USP25: variants seen among roughly 807,000 people sequenced by gnomAD.
USP25 encodes ubiquitin specific peptidase 25.
In USP25, 85 loss-of-function variants were observed where a neutral mutation model predicts 158.5. That is an observed-to-expected ratio of 0.54 (90% CI 0.45 to 0.64). The LOEUF (loss-of-function observed/expected upper bound fraction) is 0.64. Among genes scored for constraint, USP25 ranks in the 30% least tolerant of loss-of-function variants. USP25 has a pLI of 0.00. For missense variants in USP25, 1,242 were observed against 1,327.3 expected (o/e 0.94, Z 1.00); for synonymous variants, 464 against 460.4 (o/e 1.01, Z -0.10).
Position 15,730,015 on chromosome 21 carries a change from C to G in USP25, c.-379C>G, listed in dbSNP as rs1333881036. The G allele has an allele frequency of 1.3e-5, 2 of 151,694 alleles. No individual in the cohort carries two copies. Among genetic ancestry groups the G allele is most frequent in the Non-Finnish European group, 2.9e-5 (2 of 67,950 alleles). The allele number at this position is 151,694 out of a possible 1,614,324, so 9.4% of individuals were successfully genotyped here. On this transcript the variant is annotated 5_prime_UTR_variant, in exon 1 of 26. Transcript: ENST00000400183. Reference sequence around the variant, plus strand: ...CGGCCGCTCCCTCCGTCCCCTCTCTCCCTTCCCCAAAGCAGCCCGCGGACC... The same window carrying G: ...CGGCCGCTCCCTCCGTCCCCTCTCTGCCTTCCCCAAAGCAGCCCGCGGACC...
At chr21:15,841,952 A>G (rs538563184) in intron 17 of USP25, among the ~76,000 whole-genome samples, 1 of 152,316 alleles carries the variant, frequency 6.6e-6, no homozygotes, top group Non-Finnish European at 1.5e-5. Context: ...TACAGAAAAG[A>G]TGGAAGGTTA....
chr21:15,827,167 C>T lies in USP25; in HGVS notation c.1657C>T (p.His553Tyr). The T allele has an allele frequency of 6.2e-7, 1 of 1,614,144 alleles. No individual in the cohort carries two copies. Among genetic ancestry groups the T allele is most frequent in the Non-Finnish European group, 8.5e-7 (1 of 1,180,014 alleles). Residue 553 changes from histidine to tyrosine, a missense_variant, in exon 14 of 26, where the codon CAT becomes TAT. Transcript: ENST00000400183. ...EELSVLESCL[H>Y]RWRTEIENDT... ...ACTTTCTGTGCTGGAAAGTTGTTTA[C>T]ATCGCTGGAGGACAGAAATAGAAAA...
chr21:15,864,574 A>G (rs1290124779), intron 21 of USP25, 128 bp downstream of exon 21: 2 of 865,624 alleles, frequency 2.3e-6, no homozygotes, highest in Non-Finnish European at 3.3e-6. Flanking sequence ...ATACGTAACA[A>G]AATTTGAACT....
At chr21:15,754,275 A>G (rs151225476) in intron 1 of USP25, among the ~76,000 whole-genome samples, 284 of 152,194 alleles carry the variant, frequency 1.9e-3, no homozygotes, top group African/African-American at 5.9e-3. Flanking sequence ...TTTCTGTGGG[A>G]TAAGCTTGTC....
intron 22 of USP25, 96 bp from the exon 23 acceptor site, chr21:15,869,972 C>A: frequency 1.2e-6 from 1 of 829,718 alleles, no homozygotes; most frequent in South Asian, 2.4e-5. Context: ...TCTATTAATT[C>A]AGATAGTAGC....
intron 3 of USP25, among the ~76,000 whole-genome samples, chr21:15,770,280 A>G (rs1377758739): frequency 1.3e-5 from 2 of 152,190 alleles, no homozygotes; most frequent in Non-Finnish European, 2.9e-5. Flanking sequence ...GTCAAGATGA[A>G]GCCTAAAAAC....
In USP25 at chr21:15,842,433, C is replaced by G; in HGVS notation, c.2230C>G (p.Pro744Ala). ...AAGDPEYLEQ[P>A]SRSDFSKHLK... ...AGGAGACCCAGAATATCTAGAGCAG[C>G]CATCAAGAAGTGATTTCTCAAAGCA... is the stretch of plus-strand genomic sequence containing the variant. The change falls in exon 18 of 26, where the codon CCA becomes GCA. Residue 744 changes from proline to alanine, a missense_variant. By Grantham distance (27) the Pro-to-Ala change is conservative. Around this residue, in one of 3 missense-constraint regions of USP25, gnomAD observed 608 missense variants for 605.2 expected, o/e 1.00. Transcript: ENST00000400183. 6.2e-7 allele frequency: 1 copy of G among 1,613,576 alleles called. No homozygotes were observed. Among genetic ancestry groups the G allele is most frequent in the Non-Finnish European group, 8.5e-7 (1 of 1,179,724 alleles).
At chr21:15,835,342 A>G (rs994254154) in intron 17 of USP25, among the ~76,000 whole-genome samples, 2 of 152,154 alleles carry the variant, frequency 1.3e-5, no homozygotes, top group Admixed American at 6.5e-5. Flanking sequence ...GAGTTAACAT[A>G]TTTTATTTCT....
chr21:15,860,277 C>G (rs1279466126), intron 20 of USP25, among the ~76,000 whole-genome samples: 1 of 152,066 alleles, frequency 6.6e-6, no homozygotes, highest in East Asian at 1.9e-4. Context: ...CTCAGCCTCC[C>G]GAGTAGCTGG....
At chr21:15,847,807 A>T (rs1478885800) in intron 19 of USP25, 31 bp downstream of exon 19, 6 of 1,434,898 alleles carry the variant, frequency 4.2e-6, no homozygotes, top group Non-Finnish European at 4.8e-6. Flanking sequence ...CACCATTGCT[A>T]CTTAACTTTT....
In USP25 at chr21:15,799,871, G is replaced by A. The variant is rs769473931; in HGVS notation, c.642+28G>A. On this transcript the variant is annotated intron_variant, in intron 6 of 25. Coordinates refer to ENST00000400183, the MANE Select transcript of USP25 (RefSeq NM_001283041.3). ...AAAATTCAAAAGATTTTTTTAAGCA[G>A]TATATATACTCTATATGTTCTCTTA... 214 of 1,502,388 alleles carry A rather than the reference G, an allele frequency of 1.4e-4. 2 individuals are homozygous for A. Among genetic ancestry groups the A allele is most frequent in the Non-Finnish European group, 3.6e-6 (4 of 1,096,344 alleles). The allele number at this position is 1,502,388 out of a possible 1,614,324, so 93.1% of individuals were successfully genotyped here.
chr21:15,812,049 T>C (rs1291192144), intron 9 of USP25, among the ~76,000 whole-genome samples: 1 of 152,050 alleles, frequency 6.6e-6, no homozygotes. Context: ...TTAAAAAGTC[T>C]TAGTGACATG....
chr21:15,846,667 A>C (rs1601110981), intron 18 of USP25, among the ~76,000 whole-genome samples: 1 of 152,180 alleles, frequency 6.6e-6, no homozygotes, highest in Non-Finnish European at 1.5e-5. Flanking sequence ...TCAAAACAAA[A>C]GTTTATCTTT....
intron 17 of USP25, among the ~76,000 whole-genome samples, chr21:15,834,394 A>G (rs941923521): frequency 6.6e-6 from 1 of 151,678 alleles, no homozygotes. Context: ...CCTCAAACTC[A>G]TTTGTCTCTT....
intron 4 of USP25, among the ~76,000 whole-genome samples, chr21:15,781,816 G>T (rs2034981779): frequency 6.6e-6 from 1 of 152,094 alleles, no homozygotes; most frequent in Non-Finnish European, 1.5e-5. Context: ...GTCCTCACAG[G>T]TCCCAAGTCC....
chr21:15,804,257 T>G (rs1046365907), intron 6 of USP25, among the ~76,000 whole-genome samples: 5 of 151,738 alleles, frequency 3.3e-5, no homozygotes, highest in Non-Finnish European at 7.4e-5. Flanking sequence ...GGAAAAGATA[T>G]AGAAATTCTT....
intron 10 of USP25, 58 bp from the exon 11 acceptor site, chr21:15,823,981 G>T: frequency 4.6e-6 from 7 of 1,529,450 alleles, no homozygotes; most frequent in Non-Finnish European, 4.5e-6. Context: ...GCCTAAGATT[G>T]CAGTGAAGAA....
At chr21:15,812,364 G>A (rs1423730844) in intron 9 of USP25, among the ~76,000 whole-genome samples, 1 of 151,992 alleles carries the variant, frequency 6.6e-6, no homozygotes, top group Non-Finnish European at 1.5e-5. Context: ...TATTTAATTT[G>A]TTGGCTGGGT....
intron 20 of USP25, among the ~76,000 whole-genome samples, chr21:15,859,355 G>A (rs532971136): frequency 1.1e-4 from 17 of 152,018 alleles, no homozygotes; most frequent in African/African-American, 3.6e-4. Context: ...ACCACGCCTG[G>A]CTAAGTTTTT....
Sources: allele counts gnomAD v4.1 joint callset (sites outside exome capture counted in the v4.1 genomes callset), GRCh38; gene constraint gnomAD v4.1.1; regional missense constraint gnomAD v4.1.1; transcripts MANE v1.5; gene names NCBI Gene and HGNC (gene_info 2026-07-23, HGNC 2026-07-21).